The following R3HDM2 variants were observed in gnomAD, a reference collection of about 807,000 sequenced individuals.
R3HDM2 encodes R3H domain containing 2.
A neutral mutation model predicts 124.5 loss-of-function variants in R3HDM2; 38 were observed. The ratio of observed to expected loss-of-function variants is 0.31; its 90% CI spans 0.24 to 0.40. The LOEUF (loss-of-function observed/expected upper bound fraction) is 0.40. R3HDM2 is among the 10% of genes least tolerant of loss of function. The pLI, the probability that R3HDM2 is intolerant of heterozygous loss-of-function variation, is 1.00. For missense variants in R3HDM2, 869 were observed against 1,236.9 expected (o/e 0.70, Z 4.46); for synonymous variants, 391 against 448.0 (o/e 0.87, Z 1.61).
intron 2 of R3HDM2, among the ~76,000 whole-genome samples, chr12:57,357,908 CAG>C (rs1271997276): frequency 6.6e-6 from 1 of 151,746 alleles, no homozygotes; most frequent in Admixed American, 6.6e-5. Context: ...TCTTTGTTGA[CAG>C]AGTTTCAGAG....
intron 2 of R3HDM2, among the ~76,000 whole-genome samples, chr12:57,359,284 C>T (rs1454134651): frequency 6.6e-6 from 1 of 152,154 alleles, no homozygotes; most frequent in Admixed American, 6.6e-5. Flanking sequence ...TGGTCTTGAA[C>T]TCCTGAACCC....
At chr12:57,398,019 TA>T (rs1244980195) in intron 1 of R3HDM2, among the ~76,000 whole-genome samples, 4 of 147,980 alleles carry the variant, frequency 2.7e-5, no homozygotes, top group Non-Finnish European at 5.9e-5. Flanking sequence ...CCGTCTCTAC[TA>T]AAAATACAAA....
intron 13 of R3HDM2, among the ~76,000 whole-genome samples, chr12:57,282,586 G>A (rs185402544): frequency 7.2e-5 from 11 of 152,144 alleles, no homozygotes. Context: ...TCTGGGCCCA[G>A]GAGTTCAAGG....
At chr12:57,306,005 T>A (rs1440710197) in intron 3 of R3HDM2, among the ~76,000 whole-genome samples, 1 of 152,056 alleles carries the variant, frequency 6.6e-6, no homozygotes, top group Non-Finnish European at 1.5e-5. Flanking sequence ...CTGGATTGAG[T>A]TTTGAAGGAT....
chr12:57,260,697 A>G (rs1013086904), intron 19 of R3HDM2, among the ~76,000 whole-genome samples: 1 of 152,104 alleles, frequency 6.6e-6, no homozygotes, highest in Non-Finnish European at 1.5e-5. Context: ...ATTTGGGGTT[A>G]CTAGCTTGAA....
intron 2 of R3HDM2, among the ~76,000 whole-genome samples, chr12:57,395,540 A>G (rs117605132): frequency 0.035 from 5,307 of 151,774 alleles, 197 homozygotes; most frequent in East Asian, 0.21. Context: ...TCAGCCTCCC[A>G]AAGTGCTGGG....
rs2038363945 is a variant in R3HDM2, at chr12:57,254,654, G to A, written c.*119C>T. The A allele has an allele frequency of 1.1e-6, 1 of 872,722 alleles. No individual in the cohort carries two copies. Among genetic ancestry groups the A allele is most frequent in the Non-Finnish European group, 1.7e-6 (1 of 584,426 alleles). 54.1% of individuals were successfully genotyped at this position (872,722 alleles called of 1,614,324 possible). On this transcript the variant is annotated 3_prime_UTR_variant, in exon 24 of 24. Coordinates refer to ENST00000402412, the MANE Select transcript of R3HDM2 (RefSeq NM_001394031.1). ...TGTTTCCATCTTCATCACTGTCTTA[G>A]GTTCCAGTTTAACATCAGTTTCCTT... is the stretch of plus-strand genomic sequence containing the variant.
At chr12:57,323,691 A>C (rs1427151408) in intron 2 of R3HDM2, among the ~76,000 whole-genome samples, 1 of 152,212 alleles carries the variant, frequency 6.6e-6, no homozygotes, top group Non-Finnish European at 1.5e-5. Flanking sequence ...TTATGGCTGT[A>C]CTTGCCTTAA....
At chr12:57,417,384 C>CA (rs542470589) in intron 1 of R3HDM2, among the ~76,000 whole-genome samples, 32,510 of 110,012 alleles carry the variant, frequency 0.3, 3,951 homozygotes, top group South Asian at 0.48. Context: ...AATTCCATTT[C>CA]AAAAAAAAAA....
At chr12:57,297,270 A>T in intron 8 of R3HDM2, 58 bp downstream of exon 8, 1 of 953,006 alleles carries the variant, frequency 1.0e-6, no homozygotes, top group East Asian at 2.7e-5. Context: ...ATTGTACCTA[A>T]ATTTATTTCC....
At chr12:57,400,896 C>T (rs750898989) in intron 1 of R3HDM2, among the ~76,000 whole-genome samples, 2 of 152,010 alleles carry the variant, frequency 1.3e-5, no homozygotes, top group African/African-American at 2.4e-5. Context: ...GGTATTATTA[C>T]GGTAATCTGA....
chr12:57,349,200 G>GA (rs1357381023), intron 2 of R3HDM2, among the ~76,000 whole-genome samples: 3 of 151,264 alleles, frequency 2.0e-5, no homozygotes, highest in Non-Finnish European at 4.4e-5. Context: ...CTAACACGGT[G>GA]AAACCCCGAC....
At chr12:57,348,055 T>C (rs564181246) in intron 2 of R3HDM2, among the ~76,000 whole-genome samples, 30 of 152,322 alleles carry the variant, frequency 2.0e-4, no homozygotes, top group African/African-American at 6.7e-4. Flanking sequence ...CTGTTATTGA[T>C]AGTTCTGATC....
At chr12:57,304,449 G>A in intron 3 of R3HDM2, 2 of 940,724 alleles carry the variant, frequency 2.1e-6, no homozygotes, top group African/African-American at 1.8e-5. Context: ...ATAGGGGAGG[G>A]GAAACAAGTC....
At chr12:57,402,870 T>C (rs879869420) in intron 1 of R3HDM2, among the ~76,000 whole-genome samples, 5 of 152,048 alleles carry the variant, frequency 3.3e-5, no homozygotes, top group Non-Finnish European at 7.4e-5. Flanking sequence ...AATAAGGAAA[T>C]TCTTGATGTA....
At chr12:57,382,548 A>G (rs1421808914) in intron 2 of R3HDM2, among the ~76,000 whole-genome samples, 1 of 151,054 alleles carries the variant, frequency 6.6e-6, no homozygotes, top group Non-Finnish European at 1.5e-5. Context: ...CTACAAAAAA[A>G]AAAAAAAAAA....
At chr12:57,351,568 G>A (rs2060680550) in intron 2 of R3HDM2, among the ~76,000 whole-genome samples, 1 of 152,126 alleles carries the variant, frequency 6.6e-6, no homozygotes, top group South Asian at 2.1e-4. Context: ...TCTCCCCACT[G>A]AGAGATTTTC....
chr12:57,291,980 T>C (rs1330122572), intron 11 of R3HDM2, among the ~76,000 whole-genome samples: 1 of 152,180 alleles, frequency 6.6e-6, no homozygotes, highest in Non-Finnish European at 1.5e-5. Context: ...GCTAGTCCTG[T>C]TGTAGGAAGC....
At chr12:57,322,601 T>C (rs1215489582) in intron 2 of R3HDM2, among the ~76,000 whole-genome samples, 1 of 152,252 alleles carries the variant, frequency 6.6e-6, no homozygotes, top group African/African-American at 2.4e-5. Flanking sequence ...TGTTGTCTGA[T>C]TCCAAAGTCT....
Sources: gnomAD v4.1 joint callset for allele counts (sites outside exome capture counted in the v4.1 genomes callset) on GRCh38, gnomAD v4.1.1 for gene constraint, MANE v1.5 for transcripts, NCBI Gene and HGNC (gene_info 2026-07-23, HGNC 2026-07-21) for gene names.